Variants in GPC6 observed in about 807,000 individuals in gnomAD.
GPC6 encodes glypican 6.
Under a neutral mutation model 55.2 loss-of-function variants are expected in GPC6, and 14 were observed. The observed-to-expected ratio is 0.25, with a 90% CI of 0.17 to 0.40. The LOEUF (loss-of-function observed/expected upper bound fraction) is 0.40, where lower values mean the gene tolerates loss of function less well. GPC6 is among the 10% of genes least tolerant of loss of function. The pLI is 1.00. For missense variants in GPC6, 641 were observed against 708.5 expected, an observed-to-expected ratio of 0.90 and a Z score of 1.08; for synonymous variants, 278 against 259.6, an observed-to-expected ratio of 1.07 and a Z score of -0.68.
At chr13:94,110,062 T>TAAA (rs78404632) in intron 4 of GPC6, among the ~76,000 whole-genome samples, 12 of 84,606 alleles carry the variant, frequency 1.4e-4, no homozygotes, top group Non-Finnish European at 2.5e-4. Context: ...CACCCTGGAC[T>TAAA]AAAAAAAAAA....
intron 4 of GPC6, among the ~76,000 whole-genome samples, chr13:94,122,692 G>A (rs546430418): frequency 1.5e-4 from 23 of 152,168 alleles, no homozygotes; most frequent in African/African-American, 4.8e-4. Flanking sequence ...CTCTGCACAC[G>A]TCATAAATCA....
intron 6 of GPC6, among the ~76,000 whole-genome samples, chr13:94,331,857 G>A (rs1423151347): frequency 1.3e-5 from 2 of 152,118 alleles, no homozygotes; most frequent in African/African-American, 4.8e-5. Context: ...TTTAAGCATT[G>A]GAATATAGAT....
At chr13:93,781,049 G>A (rs1037947111) in intron 2 of GPC6, among the ~76,000 whole-genome samples, 1 of 151,794 alleles carries the variant, frequency 6.6e-6, no homozygotes, top group African/African-American at 2.4e-5. Flanking sequence ...AGGCTGAGGC[G>A]GGTGGATCAC....
intron 3 of GPC6, among the ~76,000 whole-genome samples, chr13:93,886,087 T>C (rs1875307652): frequency 6.6e-6 from 1 of 152,124 alleles, no homozygotes; most frequent in African/African-American, 2.4e-5. Context: ...AATAAAATAT[T>C]GAATTTAAGT....
chr13:93,248,412 G>A (rs1280054722), intron 1 of GPC6, among the ~76,000 whole-genome samples: 1 of 143,266 alleles, frequency 7.0e-6, no homozygotes, highest in Non-Finnish European at 1.5e-5. Flanking sequence ...AAAATGTTCT[G>A]TACTTTAAAA....
chr13:94,061,692 C>T (rs1172583779), intron 4 of GPC6, among the ~76,000 whole-genome samples: 1 of 151,156 alleles, frequency 6.6e-6, no homozygotes, highest in Non-Finnish European at 1.5e-5. Flanking sequence ...TCAGATATGC[C>T]CTGCTGATGC....
intron 3 of GPC6, among the ~76,000 whole-genome samples, chr13:93,930,290 T>TTTTTTTTTTTTTTTTTTA (rs1212509139): frequency 7.0e-6 from 1 of 142,510 alleles, no homozygotes. Flanking sequence ...TTTTTTTTTG[T>TTTTTTTTTTTTTTTTTTA]AGACAGAGTC....
chr13:94,330,965 T>C (rs970169525), intron 6 of GPC6, among the ~76,000 whole-genome samples: 3 of 152,198 alleles, frequency 2.0e-5, no homozygotes, highest in Non-Finnish European at 2.9e-5. Flanking sequence ...TATCTTCCTC[T>C]GATCTCAGAA....
chr13:93,645,692 C>T (rs1880142042), intron 2 of GPC6, among the ~76,000 whole-genome samples: 1 of 152,098 alleles, frequency 6.6e-6, no homozygotes, highest in Non-Finnish European at 1.5e-5. Context: ...TGTATGTTTA[C>T]AATGTAGAAA....
chr13:94,194,439 A>G (rs768119617), intron 4 of GPC6, among the ~76,000 whole-genome samples: 7 of 152,140 alleles, frequency 4.6e-5, no homozygotes, highest in Non-Finnish European at 1.0e-4. Flanking sequence ...GTGTGTGTTA[A>G]TGGCATTCAC....
intron 4 of GPC6, among the ~76,000 whole-genome samples, chr13:94,228,882 C>G (rs1358267802): frequency 3.3e-5 from 5 of 151,636 alleles, no homozygotes; most frequent in African/African-American, 1.2e-4. Context: ...AGTAACCAGG[C>G]AGATATAAAT....
chr13:93,361,318 A>C (rs144242636), intron 1 of GPC6, among the ~76,000 whole-genome samples: 125 of 152,274 alleles, frequency 8.2e-4, no homozygotes, highest in Non-Finnish European at 1.6e-3. Flanking sequence ...ATTTCCAAAA[A>C]TTAGGCAAAA....
intron 1 of GPC6, among the ~76,000 whole-genome samples, chr13:93,260,327 T>G (rs1490325337): frequency 6.6e-6 from 1 of 152,150 alleles, no homozygotes; most frequent in Non-Finnish European, 1.5e-5. Context: ...ATAATTTTAT[T>G]AATACCATTC....
At chr13:93,384,360 A>G (rs1269669841) in intron 1 of GPC6, among the ~76,000 whole-genome samples, 1 of 150,900 alleles carries the variant, frequency 6.6e-6, no homozygotes, top group African/African-American at 2.4e-5. Context: ...TATTTTTTTC[A>G]TTATGAGTTT....
chr13:94,085,064 CTG>C (rs1885231014), intron 4 of GPC6, among the ~76,000 whole-genome samples: 1 of 151,950 alleles, frequency 6.6e-6, no homozygotes, highest in Non-Finnish European at 1.5e-5. Context: ...TGGCTCACAC[CTG>C]TAATCCCAGC....
At chr13:94,047,288 A>C (rs1337596166) in intron 4 of GPC6, among the ~76,000 whole-genome samples, 1 of 152,072 alleles carries the variant, frequency 6.6e-6, no homozygotes, top group Non-Finnish European at 1.5e-5. Flanking sequence ...TGCTCTTTCC[A>C]ATGCTCTGAG....
intron 2 of GPC6, among the ~76,000 whole-genome samples, chr13:93,670,535 T>C (rs1881318435): frequency 6.6e-6 from 1 of 152,186 alleles, no homozygotes; most frequent in Non-Finnish European, 1.5e-5. Flanking sequence ...AAAGGTCATA[T>C]AATGTGTGGG....
intron 3 of GPC6, among the ~76,000 whole-genome samples, chr13:93,967,773 G>C (rs1004280453): frequency 2.0e-5 from 3 of 152,076 alleles, no homozygotes; most frequent in African/African-American, 7.2e-5. Flanking sequence ...ATAATGAATG[G>C]TATGTGTTCT....
At chr13:93,884,309 G>A (rs905096231) in intron 3 of GPC6, among the ~76,000 whole-genome samples, 8 of 151,898 alleles carry the variant, frequency 5.3e-5, no homozygotes, top group East Asian at 3.9e-4. Context: ...TATGCCTATC[G>A]TTTCTGTAGA....
Sources: gnomAD v4.1 joint callset for allele counts (sites outside exome capture counted in the v4.1 genomes callset) on GRCh38, gnomAD v4.1.1 for gene constraint, MANE v1.5 for transcripts, NCBI Gene and HGNC (gene_info 2026-07-23, HGNC 2026-07-21) for gene names.